Variants in CTNNA3 observed in about 807,000 individuals in gnomAD.
CTNNA3 encodes the protein catenin alpha 3.
In CTNNA3, 76 loss-of-function variants were observed where a neutral mutation model predicts 95.7. That is an observed-to-expected ratio of 0.79 (90% CI 0.66 to 0.96). CTNNA3 has a LOEUF of 0.96. CTNNA3 is among the 40% of genes least tolerant of loss of function. CTNNA3 has a pLI of 0.00. For missense variants in CTNNA3, 1,191 were observed against 1,089.8 expected (o/e 1.09, Z -1.31); for synonymous variants, 431 against 374.4 (o/e 1.15, Z -1.74).
chr10:66,164,845 T>A (rs980892776), intron 13 of CTNNA3, among the ~76,000 whole-genome samples: 2 of 152,188 alleles, frequency 1.3e-5, no homozygotes, highest in Admixed American at 1.3e-4. Flanking sequence ...TCTATTTACA[T>A]GAAATTGTAT....
chr10:67,388,763 C>T (rs1844314794), intron 5 of CTNNA3, among the ~76,000 whole-genome samples: 1 of 152,098 alleles, frequency 6.6e-6, no homozygotes, highest in African/African-American at 2.4e-5. Context: ...ATTCAACATT[C>T]TTAAAGAAAA....
chr10:65,966,151 T>C (rs1370926583), intron 17 of CTNNA3, among the ~76,000 whole-genome samples: 1 of 152,130 alleles, frequency 6.6e-6, no homozygotes, highest in Non-Finnish European at 1.5e-5. Context: ...TGAAAATATA[T>C]ATGGAAATGA....
chr10:67,543,058 T>A (rs577852463), intron 3 of CTNNA3, among the ~76,000 whole-genome samples: 7 of 152,202 alleles, frequency 4.6e-5, no homozygotes, highest in African/African-American at 1.7e-4. Flanking sequence ...AACTACATTT[T>A]TTCTTCAAGA....
intron 9 of CTNNA3, among the ~76,000 whole-genome samples, chr10:66,682,268 T>A (rs544993890): frequency 1.3e-5 from 2 of 152,298 alleles, no homozygotes; most frequent in East Asian, 3.9e-4. Context: ...CTGTCAAGAC[T>A]AGTATTTCTT....
chr10:67,755,617 C>T (rs1249390532), intron 1 of CTNNA3, among the ~76,000 whole-genome samples: 1 of 151,818 alleles, frequency 6.6e-6, no homozygotes, highest in Non-Finnish European at 1.5e-5. Context: ...GCCTGGCCAA[C>T]ATGGTAAAAC....
At chr10:67,563,995 A>T (rs1841648196) in intron 3 of CTNNA3, among the ~76,000 whole-genome samples, 1 of 148,972 alleles carries the variant, frequency 6.7e-6, no homozygotes, top group African/African-American at 2.5e-5. Context: ...AGGAAACAAC[A>T]GGTGCTGGAG....
At chr10:66,892,223 G>T in intron 7 of CTNNA3, among the ~76,000 whole-genome samples, 1 of 151,956 alleles carries the variant, frequency 6.6e-6, no homozygotes, top group South Asian at 2.1e-4. Context: ...CAAACAAAAC[G>T]AAATTGCCTC....
chr10:66,602,801 C>A (rs1306004449), intron 10 of CTNNA3, among the ~76,000 whole-genome samples: 1 of 151,936 alleles, frequency 6.6e-6, no homozygotes. Flanking sequence ...ATGTGCAAAT[C>A]AAAAAATGTG....
chr10:66,282,372 A>G (rs541880450), intron 12 of CTNNA3, among the ~76,000 whole-genome samples: 1 of 151,876 alleles, frequency 6.6e-6, no homozygotes, highest in African/African-American at 2.4e-5. Flanking sequence ...AATCTTTTAT[A>G]ACATCTCAAA....
At chr10:66,821,521 G>A (rs541928383) in intron 7 of CTNNA3, among the ~76,000 whole-genome samples, 1 of 152,178 alleles carries the variant, frequency 6.6e-6, no homozygotes. Flanking sequence ...ATTCACAGGG[G>A]AATCAATTTG....
chr10:66,488,075 C>T (rs1013306169), intron 11 of CTNNA3, among the ~76,000 whole-genome samples: 3 of 152,128 alleles, frequency 2.0e-5, no homozygotes, highest in African/African-American at 7.2e-5. Flanking sequence ...AGTTTCCCTT[C>T]GAATTCTGCC....
At chr10:66,225,355 T>C (rs1404031196) in intron 13 of CTNNA3, among the ~76,000 whole-genome samples, 1 of 146,228 alleles carries the variant, frequency 6.8e-6, no homozygotes, top group African/African-American at 2.5e-5. Flanking sequence ...TCACCCATGT[T>C]TCCAAGAATG....
intron 5 of CTNNA3, among the ~76,000 whole-genome samples, chr10:67,515,596 A>C (rs749541759): frequency 1.3e-5 from 2 of 152,242 alleles, no homozygotes; most frequent in Non-Finnish European, 2.9e-5. Context: ...CAGGTTTATA[A>C]ATGGCATAAA....
chr10:67,562,701 C>A (rs2133263402), intron 3 of CTNNA3, among the ~76,000 whole-genome samples: 1 of 152,246 alleles, frequency 6.6e-6, no homozygotes, highest in East Asian at 1.9e-4. Context: ...GTCAAACTGT[C>A]CCTATTTGCA....
chr10:67,647,962 T>C (rs980018188), intron 1 of CTNNA3, among the ~76,000 whole-genome samples: 1 of 152,162 alleles, frequency 6.6e-6, no homozygotes, highest in Non-Finnish European at 1.5e-5. Flanking sequence ...TTGAAAGACA[T>C]GGGAACAAGT....
intron 3 of CTNNA3, among the ~76,000 whole-genome samples, chr10:67,564,682 T>TATATAA (rs1431486013): frequency 1.4e-4 from 4 of 28,568 alleles, no homozygotes; most frequent in Admixed American, 4.1e-4. Flanking sequence ...TGTGTGTATA[T>TATATAA]ATATATATAT....
Position 66,390,953 on chromosome 10 carries a change from G to A in CTNNA3, c.1532-11601C>T, listed in dbSNP as rs564199095. Among the ~76,000 whole-genome samples, 3 of 152,106 alleles carry A rather than the reference G, an allele frequency of 2.0e-5. No homozygotes were observed. In the East Asian group the frequency reaches 5.8e-4, roughly 29 times the overall value. ...GTCTTAATATATGTTAGAAAATGTA[G>A]ACGATATAAAAGATAAAGTACAGTC... On this transcript the variant is annotated intron_variant, in intron 11 of 17. Transcript: ENST00000433211.
intron 5 of CTNNA3, among the ~76,000 whole-genome samples, chr10:67,318,585 T>C (rs933899618): frequency 2.0e-5 from 3 of 152,196 alleles, no homozygotes; most frequent in Non-Finnish European, 4.4e-5. Context: ...TCCACCTTCA[T>C]CTCCATGTTC....
At chr10:66,672,504 A>G (rs1024752980) in intron 9 of CTNNA3, among the ~76,000 whole-genome samples, 6 of 152,154 alleles carry the variant, frequency 3.9e-5, no homozygotes, top group African/African-American at 1.4e-4. Context: ...TTGAGGTGCT[A>G]TCAATGCTTT....
Sources: gnomAD v4.1 joint callset for allele counts (sites outside exome capture counted in the v4.1 genomes callset) on GRCh38, gnomAD v4.1.1 for gene constraint, MANE v1.5 for transcripts, NCBI Gene and HGNC (gene_info 2026-07-23, HGNC 2026-07-21) for gene names.